The following SGF29 variants were observed in gnomAD, a reference collection of about 807,000 sequenced individuals.
SGF29 encodes SAGA-associated factor 29.
Under a neutral mutation model 38.1 loss-of-function variants are expected in SGF29, and 15 were observed. The observed-to-expected ratio is 0.39, with a 90% CI of 0.26 to 0.61. SGF29 has a LOEUF of 0.61. Ranked by LOEUF, SGF29 falls within the 20% of genes least tolerant of loss-of-function variation. SGF29 has a pLI of 0.49. For missense variants in SGF29, 184 were observed against 394.6 expected, an observed-to-expected ratio of 0.47 and a Z score of 4.52; for synonymous variants, 151 against 160.8, an observed-to-expected ratio of 0.94 and a Z score of 0.46.
intron 1 of SGF29, among the ~76,000 whole-genome samples, chr16:28,564,689 ATATATATG>A (rs1434234612): frequency 0.01 from 832 of 80,266 alleles, 19 homozygotes; most frequent in African/African-American, 0.044. Context: ...ATATATGTGT[ATATATATG>A]TATATATATA....
intron 1 of SGF29, among the ~76,000 whole-genome samples, chr16:28,562,671 G>A (rs1168905406): frequency 2.0e-5 from 3 of 152,048 alleles, no homozygotes; most frequent in Non-Finnish European, 4.4e-5. Flanking sequence ...AGGAGGCTGA[G>A]GCGGGAGGAT....
intron 1 of SGF29, among the ~76,000 whole-genome samples, chr16:28,573,060 T>G (rs2046874098): frequency 6.6e-6 from 1 of 152,128 alleles, no homozygotes. Context: ...ACGGAAAATG[T>G]TTTCCCCAAG....
intron 1 of SGF29, among the ~76,000 whole-genome samples, chr16:28,572,447 T>C (rs1036911275): frequency 6.6e-6 from 1 of 152,048 alleles, no homozygotes; most frequent in African/African-American, 2.4e-5. Context: ...TTTTGTATTT[T>C]CAGTAGATAC....
chr16:28,591,001 G>C, intron 9 of SGF29, 66 bp downstream of exon 9: 4 of 1,495,946 alleles, frequency 2.7e-6, no homozygotes, highest in Non-Finnish European at 3.6e-6. Flanking sequence ...ACAGACGAGG[G>C]GTCCTCTCCC....
At chr16:28,575,403 G>A (rs1424519356) in intron 1 of SGF29, among the ~76,000 whole-genome samples, 1 of 152,216 alleles carries the variant, frequency 6.6e-6, no homozygotes, top group Non-Finnish European at 1.5e-5. Context: ...ACAACTGGCT[G>A]GACACGGTGG....
At chr16:28,563,420 A>G (rs186548795) in intron 1 of SGF29, among the ~76,000 whole-genome samples, 1 of 152,318 alleles carries the variant, frequency 6.6e-6, no homozygotes, top group African/African-American at 2.4e-5. Flanking sequence ...GGCACTACCC[A>G]GTAGGCACAG....
intron 1 of SGF29, among the ~76,000 whole-genome samples, chr16:28,561,539 C>CA (rs1678868704): frequency 6.6e-6 from 1 of 151,892 alleles, no homozygotes; most frequent in South Asian, 2.1e-4. Flanking sequence ...TCTCTAAAAA[C>CA]AAAAAACAAA....
At position 28,590,947 on chromosome 16, in the gene SGF29, T is replaced by C; in HGVS notation, c.765+12T>C. ...CGCCCCCACAGCGGGTAAAGCAGCCTCCAGGGGAGAGGCCATGGGTGATGT... is the reference window on the plus strand; with the variant it reads ...CGCCCCCACAGCGGGTAAAGCAGCCCCCAGGGGAGAGGCCATGGGTGATGT... On this transcript the variant is annotated intron_variant, in intron 9 of 9. Transcript: ENST00000317058. The surrounding 1 kb of genome is among the most constrained non-coding windows in gnomAD (Gnocchi z 8.2). The C allele has an allele frequency of 6.3e-7, 1 of 1,599,942 alleles. No homozygotes were observed. The highest frequency in any genetic ancestry group is 8.5e-7 in the Non-Finnish European group (1 of 1,172,378).
At chr16:28,583,380 G>T (rs1487874022) in intron 2 of SGF29, among the ~76,000 whole-genome samples, 1 of 152,160 alleles carries the variant, frequency 6.6e-6, no homozygotes, top group Admixed American at 6.6e-5. Flanking sequence ...AGTCTAGCAA[G>T]TATCCCCCCC....
At chr16:28,580,973 C>G in intron 1 of SGF29, 82 bp from the exon 2 acceptor site, 1 of 1,028,986 alleles carries the variant, frequency 9.7e-7, no homozygotes, top group Non-Finnish European at 1.5e-6. Flanking sequence ...AGCCTCCAGG[C>G]CTAATGTATC....
chr16:28,559,826 C>G (rs1330558638), intron 1 of SGF29, among the ~76,000 whole-genome samples: 2 of 152,196 alleles, frequency 1.3e-5, no homozygotes, highest in East Asian at 1.9e-4. Flanking sequence ...TTGAGTTCAG[C>G]TGTGATTAAC....
intron 1 of SGF29, among the ~76,000 whole-genome samples, chr16:28,569,639 G>C (rs187931568): frequency 1.3e-5 from 2 of 152,266 alleles, no homozygotes; most frequent in East Asian, 3.9e-4. Context: ...GTGACAGAGC[G>C]AGAGCCTGTC....
chr16:28,582,248 A>G (rs749650392), intron 2 of SGF29, among the ~76,000 whole-genome samples: 1 of 152,230 alleles, frequency 6.6e-6, no homozygotes, highest in Non-Finnish European at 1.5e-5. Context: ...TTCCAACTGT[A>G]AACGAAAAGC....
rs139777350 is a variant in SGF29 at position 28,572,824 on chromosome 16, G to A, written c.-15-8231G>A. Among the ~76,000 whole-genome samples the A allele has an allele frequency of 4.3e-3, 651 of 152,156 alleles. 4 individuals carry two copies. Among genetic ancestry groups the A allele is most frequent in the African/African-American group, 0.015 (611 of 41,516 alleles). On this transcript the variant is annotated intron_variant, in intron 1 of 9. Transcript: ENST00000317058. Reference sequence around the variant, plus strand: ...GATCCAGTGCTAGAGCCTGTCTCTCGCTGCGCCTGCCTCCTCTCACACAGC... The same window carrying A: ...GATCCAGTGCTAGAGCCTGTCTCTCACTGCGCCTGCCTCCTCTCACACAGC...
chr16:28,570,607 C>T (rs575802120), intron 1 of SGF29, among the ~76,000 whole-genome samples: 6 of 150,982 alleles, frequency 4.0e-5, no homozygotes, highest in Non-Finnish European at 7.4e-5. Flanking sequence ...GAGAGTGAGC[C>T]TCACTCTGTC....
At chr16:28,587,262 A>G (rs2046960693) in intron 4 of SGF29, among the ~76,000 whole-genome samples, 1 of 152,164 alleles carries the variant, frequency 6.6e-6, no homozygotes, top group African/African-American at 2.4e-5. Flanking sequence ...AACAATTGAG[A>G]TTTTTTAAAC....
intron 1 of SGF29, among the ~76,000 whole-genome samples, chr16:28,559,039 T>C (rs2046769700): frequency 6.6e-6 from 1 of 152,054 alleles, no homozygotes; most frequent in African/African-American, 2.4e-5. Context: ...TGAATTGGGG[T>C]GGGTGCGGTG....
intron 1 of SGF29, among the ~76,000 whole-genome samples, chr16:28,575,548 G>T (rs1486120066): frequency 6.6e-6 from 1 of 152,168 alleles, no homozygotes; most frequent in Non-Finnish European, 1.5e-5. Flanking sequence ...GCTGGGCTTT[G>T]TGGTGCGTGC....
At chr16:28,570,839 G>A (rs1001431497) in intron 1 of SGF29, among the ~76,000 whole-genome samples, 1 of 151,986 alleles carries the variant, frequency 6.6e-6, no homozygotes, top group Admixed American at 6.6e-5. Context: ...TGGTTTCCCA[G>A]AGTGTGGGAT....
Sources: gnomAD v4.1 joint callset for allele counts (sites outside exome capture counted in the v4.1 genomes callset) on GRCh38, gnomAD v4.1.1 for gene constraint, Gnocchi (gnomAD v3.1) non-coding constraint, MANE v1.5 for transcripts, NCBI Gene and HGNC (gene_info 2026-07-23, HGNC 2026-07-21) for gene names.